The following NCOA1 variants were observed in gnomAD, a reference collection of about 807,000 sequenced individuals.
NCOA1 encodes nuclear receptor coactivator 1.
A neutral mutation model predicts 150.9 loss-of-function variants in NCOA1; 35 were observed. The ratio of observed to expected loss-of-function variants is 0.23; its 90% CI spans 0.18 to 0.31. The LOEUF (loss-of-function observed/expected upper bound fraction) is 0.31, where lower values mean the gene tolerates loss of function less well. Ranked by LOEUF, NCOA1 falls within the 10% of genes least tolerant of loss-of-function variation. The pLI is 1.00. For synonymous variants in NCOA1, 590 were observed against 630.0 expected (o/e 0.94, Z 0.95); for missense variants, 1,491 against 1,749.3 (o/e 0.85, Z 2.63).
chr2:24,716,643 T>TA (rs1674061859), intron 14 of NCOA1, among the ~76,000 whole-genome samples: 1 of 152,210 alleles, frequency 6.6e-6, no homozygotes, highest in African/African-American at 2.4e-5. Context: ...ACATTTTTGA[T>TA]AGGACACAAA....
chr2:24,586,275 CAAAAAAAAAA>C (rs34590281), intron 3 of NCOA1, among the ~76,000 whole-genome samples: 34 of 66,138 alleles, frequency 5.1e-4, no homozygotes, highest in Admixed American at 2.1e-3. Flanking sequence ...GACTCGGTCT[CAAAAAAAAAA>C]AAAAAAAAAA....
At chr2:24,659,608 A>T (rs1489890940) in intron 5 of NCOA1, among the ~76,000 whole-genome samples, 1 of 152,200 alleles carries the variant, frequency 6.6e-6, no homozygotes, top group African/African-American at 2.4e-5. Context: ...TGCTCATTTA[A>T]TATTAGGTTA....
chr2:24,741,907 A>C lies in NCOA1; in HGVS notation c.3427A>C (p.Asn1143His). Residue 1143 changes from asparagine (N) to histidine (H), a missense_variant, in exon 19 of 23, where the codon AAC becomes CAC. Asn to His is a moderately conservative substitution (Grantham distance 68). Around this residue, in one of 8 missense-constraint regions of NCOA1, gnomAD observed 485 missense variants for 522.8 expected, o/e 0.93. Transcript: ENST00000348332. ...TATGAGGCAGCAAAGCTTTGGGAAC[A>C]ACCTCCCTCCCTCATCTGGACTACC... ...MLMRQQSFGN[N>H]LPPSSGLPVQ... 6.2e-7 allele frequency: 1 copy of C among 1,614,210 alleles called. No homozygotes were observed. Among genetic ancestry groups the C allele is most frequent in the Non-Finnish European group, 8.5e-7 (1 of 1,180,024 alleles).
chr2:24,516,975 C>CGTGT (rs370902604), intron 1 of NCOA1, among the ~76,000 whole-genome samples: 6,221 of 22,584 alleles, frequency 0.28, 731 homozygotes, highest in East Asian at 0.62. Flanking sequence ...CGTATATATA[C>CGTGT]ACATATACGT....
rs2148590731 is a variant in NCOA1, at chr2:24,705,326, GAAATTCT to G, written c.1097+99_1097+105del. ...TTATACTCTTGATGGCTAGAAAGCA[GAAATTCT>G]AAATTAGGCGTAAAACTAGTGTGAT... On this transcript the variant is annotated intron_variant, in intron 12 of 22. Transcript: ENST00000348332. 2.2e-6 allele frequency: 3 copies of G among 1,333,832 alleles called. No homozygotes were observed. The East Asian group carries it at 6.9e-5, about 31-fold the overall frequency. 82.6% of individuals were successfully genotyped at this position (1,333,832 alleles called of 1,614,324 possible).
intron 6 of NCOA1, among the ~76,000 whole-genome samples, chr2:24,672,237 G>A (rs1044934104): frequency 6.6e-6 from 1 of 152,012 alleles, no homozygotes; most frequent in East Asian, 1.9e-4. Flanking sequence ...CTGAAAAAAG[G>A]GACAGAGGAG....
intron 1 of NCOA1, among the ~76,000 whole-genome samples, chr2:24,533,466 A>G (rs1371725788): frequency 2.0e-5 from 3 of 152,212 alleles, no homozygotes; most frequent in Admixed American, 2.0e-4. Flanking sequence ...TGCCCTGGCC[A>G]GAACTTCCAA....
At chr2:24,715,909 G>A (rs893102034) in intron 14 of NCOA1, among the ~76,000 whole-genome samples, 4 of 152,216 alleles carry the variant, frequency 2.6e-5, no homozygotes, top group East Asian at 1.9e-4. Context: ...TTGGGAGGCC[G>A]AGGCAGGCGG....
Position 24,672,108 on chromosome 2 carries a change from A to G in NCOA1, c.257-1258A>G, listed in dbSNP as rs1021915643. Among the ~76,000 whole-genome samples the G allele has an allele frequency of 5.5e-5, 8 of 145,850 alleles. No individual in the cohort carries two copies. The Admixed American group carries it at 5.8e-4, about 11-fold the overall frequency. Reference sequence around the variant, plus strand: ...AAACCTTAAAACATGAAACAATAACATTGTTTATATATATGTTTATATATA... The same window carrying G: ...AAACCTTAAAACATGAAACAATAACGTTGTTTATATATATGTTTATATATA... On this transcript the variant is annotated intron_variant, in intron 6 of 22. Transcript: ENST00000348332.
chr2:24,740,235 G>T (rs902236622), intron 18 of NCOA1, among the ~76,000 whole-genome samples: 3 of 152,142 alleles, frequency 2.0e-5, no homozygotes, highest in Non-Finnish European at 4.4e-5. Flanking sequence ...GCCAGCACCT[G>T]TATTATTAAA....
At chr2:24,543,430 C>T (rs771744826) in intron 1 of NCOA1, among the ~76,000 whole-genome samples, 4 of 152,102 alleles carry the variant, frequency 2.6e-5, no homozygotes, top group Non-Finnish European at 5.9e-5. Context: ...ACACTGCCAC[C>T]TAGGGGATCA....
intron 2 of NCOA1, among the ~76,000 whole-genome samples, chr2:24,572,507 C>T (rs944618705): frequency 4.6e-5 from 7 of 152,134 alleles, no homozygotes; most frequent in African/African-American, 1.7e-4. Context: ...GGCACATAGC[C>T]TCTAGTAAGA....
At chr2:24,697,933 A>G (rs1220877095) in intron 11 of NCOA1, 135 bp downstream of exon 11, 1 of 966,572 alleles carries the variant, frequency 1.0e-6, no homozygotes, top group Non-Finnish European at 1.5e-6. Context: ...TAGGAAAGGA[A>G]GAAATGGGTA....
rs181334897 is a variant in NCOA1, at chr2:24,626,750, T to C, written c.-174-17216T>C. On this transcript the variant is annotated intron_variant, in intron 3 of 22. Transcript: ENST00000348332. ...CATTGCATGCATACTATGAAATCAT[T>C]GATTTCTGAATAATTGTGGGATTAA... Among the ~76,000 whole-genome samples, 287 of 152,312 alleles carry C rather than the reference T, an allele frequency of 1.9e-3. 1 individual carries two copies. The highest frequency in any genetic ancestry group is 6.9e-3 in the African/African-American group (285 of 41,562).
chr2:24,530,803 A>G (rs1168182678), intron 1 of NCOA1, among the ~76,000 whole-genome samples: 2 of 152,218 alleles, frequency 1.3e-5, no homozygotes, highest in Non-Finnish European at 2.9e-5. Flanking sequence ...GAGTGAGGAG[A>G]TGAAAATATA....
chr2:24,620,939 GTATC>G (rs1669122472), intron 3 of NCOA1, among the ~76,000 whole-genome samples: 1 of 152,146 alleles, frequency 6.6e-6, no homozygotes, highest in Middle Eastern at 3.2e-3. Context: ...ATTAGGGTAA[GTATC>G]TTTCTGTGTT....
Position 24,617,645 on chromosome 2 carries a change from C to G in NCOA1, c.-174-26321C>G, listed in dbSNP as rs184623928. Reference sequence around the variant, plus strand: ...TACGTAACTGAGTTAATCAGCCTCTCCCTCAGACATCTGTTATCTCCCATA... The same window carrying G: ...TACGTAACTGAGTTAATCAGCCTCTGCCTCAGACATCTGTTATCTCCCATA... On this transcript the variant is annotated intron_variant, in intron 3 of 22. Transcript: ENST00000348332. Among the ~76,000 whole-genome samples, 88 of 152,230 alleles carry G rather than the reference C, an allele frequency of 5.8e-4. 1 individual carries two copies. The highest frequency in any genetic ancestry group is 2.0e-3 in the African/African-American group (82 of 41,522).
chr2:24,658,489 G>A (rs894031879), intron 4 of NCOA1, among the ~76,000 whole-genome samples, 172 bp from the exon 5 acceptor site: 2 of 152,096 alleles, frequency 1.3e-5, no homozygotes, highest in African/African-American at 4.8e-5. Flanking sequence ...AACACTATCT[G>A]ATGACCTCTG....
At chr2:24,539,210 C>T (rs1665289932) in intron 1 of NCOA1, among the ~76,000 whole-genome samples, 1 of 152,126 alleles carries the variant, frequency 6.6e-6, no homozygotes, top group Admixed American at 6.5e-5. Context: ...GTGATTCTCC[C>T]ATTTTGGCCT....
Sources: gnomAD v4.1 joint callset for allele counts (sites outside exome capture counted in the v4.1 genomes callset) on GRCh38, gnomAD v4.1.1 for gene constraint, gnomAD v4.1.1 regional missense constraint, MANE v1.5 for transcripts, NCBI Gene and HGNC (gene_info 2026-07-23, HGNC 2026-07-21) for gene names.